The following FLT3 variants were observed in gnomAD, a reference collection of about 807,000 sequenced individuals.
FLT3 encodes fms related receptor tyrosine kinase 3, also known as receptor-type tyrosine-protein kinase FLT3.
Under a neutral mutation model 126.6 loss-of-function variants are expected in FLT3, and 46 were observed. The observed-to-expected ratio is 0.36, with a 90% CI of 0.29 to 0.46. The LOEUF (loss-of-function observed/expected upper bound fraction) is 0.46. Among genes scored for constraint, FLT3 ranks in the 20% least tolerant of loss-of-function variants. The pLI is 1.00. For synonymous variants in FLT3, 404 were observed against 434.4 expected, an observed-to-expected ratio of 0.93 and a Z score of 0.87; for missense variants, 1,069 against 1,190.3, an observed-to-expected ratio of 0.90 and a Z score of 1.50.
rs1403603048 is a variant in FLT3 at position 28,100,335 on chromosome 13, G to A, written c.43+133C>T. On this transcript the variant is annotated intron_variant, in intron 1 of 23. Transcript: ENST00000241453. The surrounding 1 kb of genome is among the most constrained non-coding windows in gnomAD (Gnocchi z 4.8). Reference sequence around the variant, plus strand: ...AGGGCGCGAAAGAGGGGAGGGGCGCGGGAGGCAATGGAAGGAGCGAGCGCG... The same window carrying A: ...AGGGCGCGAAAGAGGGGAGGGGCGCAGGAGGCAATGGAAGGAGCGAGCGCG... 3 of 538,348 alleles carry A rather than the reference G, an allele frequency of 5.6e-6. No individual in the cohort carries two copies. The highest frequency in any genetic ancestry group is 8.2e-6 in the Non-Finnish European group (3 of 364,396). 33.3% of individuals were successfully genotyped at this position (538,348 alleles called of 1,614,324 possible).
At chr13:28,046,648 G>A (rs1379095479) in intron 9 of FLT3, among the ~76,000 whole-genome samples, 1 of 151,730 alleles carries the variant, frequency 6.6e-6, no homozygotes, top group Non-Finnish European at 1.5e-5. Flanking sequence ...CCAGGCTGGA[G>A]TGCGGTGACG....
chr13:28,027,030 G>C, intron 17 of FLT3, 58 bp downstream of exon 17: 1 of 1,472,900 alleles, frequency 6.8e-7, no homozygotes, highest in Non-Finnish European at 9.4e-7. Context: ...TGTTTGAACA[G>C]CACACTTTGC....
intron 1 of FLT3, among the ~76,000 whole-genome samples, chr13:28,077,518 A>T (rs1420653214): frequency 6.6e-6 from 1 of 152,138 alleles, no homozygotes. Flanking sequence ...AAAGTCTGGC[A>T]CCCATGATTC....
chr13:28,041,116 T>C (rs187134993), intron 9 of FLT3, among the ~76,000 whole-genome samples: 19 of 151,990 alleles, frequency 1.3e-4, no homozygotes, highest in Admixed American at 2.6e-4. Flanking sequence ...GTGGAAACAA[T>C]AGAAAGATTG....
intron 1 of FLT3, among the ~76,000 whole-genome samples, chr13:28,088,849 G>T (rs1878853406): frequency 6.6e-6 from 1 of 151,474 alleles, no homozygotes; most frequent in Non-Finnish European, 1.5e-5. Flanking sequence ...CTCCCAAAGT[G>T]CTGGGATTAC....
chr13:28,096,710 G>A (rs879305691), intron 1 of FLT3, among the ~76,000 whole-genome samples: 3 of 152,140 alleles, frequency 2.0e-5, no homozygotes, highest in Non-Finnish European at 2.9e-5. Flanking sequence ...GGGATTACAG[G>A]CATGAGCCAT....
intron 16 of FLT3, 118 bp from the exon 17 acceptor site, chr13:28,027,359 T>G: frequency 1.5e-6 from 1 of 674,612 alleles, no homozygotes; most frequent in South Asian, 2.5e-5. Context: ...TTGGGGACAG[T>G]ACAACTTTTT....
At chr13:28,015,344 C>A in intron 21 of FLT3, 88 bp from the exon 22 acceptor site, 2 of 946,418 alleles carry the variant, frequency 2.1e-6, no homozygotes, top group Non-Finnish European at 3.4e-6. Context: ...TTGAGATCTG[C>A]CATGTGCCAG....
chr13:28,087,112 C>T (rs1199939650), intron 1 of FLT3, among the ~76,000 whole-genome samples: 1 of 152,020 alleles, frequency 6.6e-6, no homozygotes, highest in Non-Finnish European at 1.5e-5. Flanking sequence ...CTCTGTTGTC[C>T]AGGATGAAGT....
At chr13:28,075,724 A>G (rs1035332184) in intron 1 of FLT3, among the ~76,000 whole-genome samples, 2 of 75,696 alleles carry the variant, frequency 2.6e-5, no homozygotes, top group East Asian at 2.3e-3. Context: ...GGCTCTGTCT[A>G]AAAAAAAAAA....
chr13:28,100,132 C>A lies in FLT3; in HGVS notation c.43+336G>T, dbSNP rs1377553978. 2.6e-5 allele frequency among the ~76,000 whole-genome samples: 4 copies of A among 152,162 alleles called. No homozygotes were observed. The highest frequency in any genetic ancestry group is 5.9e-5 in the Non-Finnish European group (4 of 68,004). On this transcript the variant is annotated intron_variant, in intron 1 of 23. Coordinates refer to ENST00000241453, the MANE Select transcript of FLT3 (RefSeq NM_004119.3). The surrounding 1 kb of genome is among the most constrained non-coding windows in gnomAD (Gnocchi z 4.8). ...GCAGACTCCCACGGACGGCCCAGCA[C>A]CCGAGCGCGCGGGCCGAGCTGCCCC...
At chr13:28,041,624 T>C (rs1296486558) in intron 9 of FLT3, among the ~76,000 whole-genome samples, 2 of 152,210 alleles carry the variant, frequency 1.3e-5, no homozygotes, top group African/African-American at 4.8e-5. Context: ...TTCCTCATGC[T>C]TATGACAGTT....
chr13:28,091,211 T>TTTC (rs1879018260), intron 1 of FLT3, among the ~76,000 whole-genome samples: 4 of 72,118 alleles, frequency 5.5e-5, no homozygotes, highest in African/African-American at 2.7e-4. Context: ...CATTTTCTTT[T>TTTC]TTTTTTTTTT....
chr13:28,082,928 G>A (rs942844988), intron 1 of FLT3, among the ~76,000 whole-genome samples: 3 of 151,716 alleles, frequency 2.0e-5, no homozygotes, highest in Non-Finnish European at 4.4e-5. Flanking sequence ...GGATGGTCTT[G>A]ATCTCCTGAC....
At chr13:28,049,849 C>A in intron 6 of FLT3, 75 bp from the exon 7 acceptor site, 2 of 1,479,002 alleles carry the variant, frequency 1.4e-6, no homozygotes, top group Non-Finnish European at 1.8e-6. Context: ...CCTGAACATT[C>A]TGAACAAAGA....
chr13:28,098,498 G>T (rs1399618486), intron 1 of FLT3, among the ~76,000 whole-genome samples: 1 of 152,086 alleles, frequency 6.6e-6, no homozygotes, highest in Non-Finnish European at 1.5e-5. Context: ...TGAGGAACTG[G>T]AACTGCCATA....
chr13:28,015,732 G>T, intron 20 of FLT3, 31 bp from the exon 21 acceptor site: 1 of 1,331,192 alleles, frequency 7.5e-7, no homozygotes, highest in Non-Finnish European at 1.1e-6. Context: ...ATAAGATGGT[G>T]AATTTTCCAC....
chr13:28,023,051 G>A (rs750466747), intron 19 of FLT3, among the ~76,000 whole-genome samples: 1 of 152,216 alleles, frequency 6.6e-6, no homozygotes, highest in Admixed American at 6.5e-5. Context: ...ACAATGCTAC[G>A]CTTTGTTTTG....
At chr13:28,024,034 T>C (rs1051368859) in intron 18 of FLT3, among the ~76,000 whole-genome samples, 3 of 152,134 alleles carry the variant, frequency 2.0e-5, no homozygotes, top group Non-Finnish European at 4.4e-5. Context: ...GTGGTGGGAT[T>C]ACAGGCATGA....
Sources: gnomAD v4.1 joint callset for allele counts (sites outside exome capture counted in the v4.1 genomes callset) on GRCh38, gnomAD v4.1.1 for gene constraint, Gnocchi (gnomAD v3.1) non-coding constraint, MANE v1.5 for transcripts, NCBI Gene and HGNC (gene_info 2026-07-23, HGNC 2026-07-21) for gene names.